MYT1L: variants seen among roughly 807,000 people sequenced by gnomAD.
The protein encoded by MYT1L is myelin transcription factor 1-like protein.
In MYT1L, 12 loss-of-function variants were observed where a neutral mutation model predicts 126.7. The observed-to-expected ratio is 0.09, with a 90% confidence interval of 0.06 to 0.15. The LOEUF is 0.15. Ranked by LOEUF, MYT1L falls within the 10% of genes least tolerant of loss-of-function variation. MYT1L has a pLI of 1.00. For synonymous variants in MYT1L, 541 were observed against 604.2 expected (o/e 0.90, Z 1.53); for missense variants, 979 against 1,585.2 (o/e 0.62, Z 6.49).
intron 22 of MYT1L, among the ~76,000 whole-genome samples, chr2:1,804,369 A>T (rs2147939184): frequency 6.6e-6 from 1 of 152,016 alleles, no homozygotes; most frequent in Non-Finnish European, 1.5e-5. Context: ...TGATCTGCCC[A>T]CCTCAGCCTC....
At chr2:2,084,574 C>T (rs371077775) in intron 3 of MYT1L, among the ~76,000 whole-genome samples, 8 of 152,266 alleles carry the variant, frequency 5.3e-5, no homozygotes, top group African/African-American at 1.9e-4. Flanking sequence ...CTCAGAGAAA[C>T]CGAGTCCTGG....
chr2:1,908,632 T>C (rs923511243), intron 13 of MYT1L, among the ~76,000 whole-genome samples: 1 of 152,244 alleles, frequency 6.6e-6, no homozygotes, highest in Non-Finnish European at 1.5e-5. Context: ...TAACGATTCC[T>C]TGCTGGATTA....
At chr2:2,097,298 T>G (rs2077552141) in intron 3 of MYT1L, among the ~76,000 whole-genome samples, 1 of 152,190 alleles carries the variant, frequency 6.6e-6, no homozygotes, top group African/African-American at 2.4e-5. Context: ...CCATCAGGAC[T>G]GCTGCAGCCC....
At chr2:2,178,665 C>T (rs2091092031) in intron 2 of MYT1L, among the ~76,000 whole-genome samples, 1 of 152,126 alleles carries the variant, frequency 6.6e-6, no homozygotes, top group Admixed American at 6.6e-5. Flanking sequence ...CCAAGGCAGA[C>T]CCAGCAAGAA....
intron 1 of MYT1L, among the ~76,000 whole-genome samples, chr2:2,304,903 A>G (rs186010431): frequency 2.0e-5 from 3 of 152,344 alleles, no homozygotes; most frequent in Non-Finnish European, 2.9e-5. Flanking sequence ...GCCACTAGCC[A>G]CATGGGCTCT....
intron 8 of MYT1L, among the ~76,000 whole-genome samples, chr2:1,976,940 G>A (rs946200375): frequency 2.0e-5 from 3 of 152,124 alleles, no homozygotes; most frequent in Non-Finnish European, 2.9e-5. Flanking sequence ...TAGACGTTAC[G>A]TAAGTTGTCC....
At chr2:2,153,862 ACAG>A (rs2086256310) in intron 3 of MYT1L, among the ~76,000 whole-genome samples, 1 of 152,064 alleles carries the variant, frequency 6.6e-6, no homozygotes. Context: ...GAGGGAGGGA[ACAG>A]CAGAACGAAC....
At chr2:2,314,577 T>A (rs1324242670) in intron 1 of MYT1L, among the ~76,000 whole-genome samples, 1 of 152,212 alleles carries the variant, frequency 6.6e-6, no homozygotes, top group African/African-American at 2.4e-5. Context: ...AATTTTAAGT[T>A]CTGGGATACA....
intron 5 of MYT1L, among the ~76,000 whole-genome samples, chr2:1,982,314 G>T (rs1399957900): frequency 6.6e-6 from 1 of 152,172 alleles, no homozygotes; most frequent in African/African-American, 2.4e-5. Context: ...CCCTGCCTTT[G>T]TCACAGGTCT....
At chr2:1,812,873 C>T (rs1187613960) in intron 21 of MYT1L, among the ~76,000 whole-genome samples, 4 of 103,114 alleles carry the variant, frequency 3.9e-5, no homozygotes, top group Admixed American at 9.9e-5. Context: ...AGGACTCCGT[C>T]TCAAAAAAAA....
intron 1 of MYT1L, among the ~76,000 whole-genome samples, chr2:2,312,371 G>A (rs2095986871): frequency 6.6e-6 from 1 of 152,124 alleles, no homozygotes; most frequent in South Asian, 2.1e-4. Context: ...AGCACTTTGA[G>A]AGGCCGAGAC....
At position 1,834,338 on chromosome 2, in the gene MYT1L, C is replaced by G. The variant is rs182255264; in HGVS notation, c.3080+4811G>C. Among the ~76,000 whole-genome samples, 794 of 152,336 alleles carry G rather than the reference C, an allele frequency of 5.2e-3. 3 individuals carry two copies. Among genetic ancestry groups the G allele is most frequent in the Non-Finnish European group, 7.6e-3 (516 of 68,040 alleles). On this transcript the variant is annotated intron_variant, in intron 21 of 24. Coordinates refer to ENST00000647738, the MANE Select transcript of MYT1L (RefSeq NM_001303052.2). ...AGGGCTTCCAAGGAAAGAGAAATGT[C>G]TAAGACTTCCTAATGAGTGTATTTC...
At chr2:1,977,449 A>C (rs1472786321) in intron 8 of MYT1L, among the ~76,000 whole-genome samples, 3 of 152,250 alleles carry the variant, frequency 2.0e-5, no homozygotes, top group Non-Finnish European at 2.9e-5. Flanking sequence ...TTTTCCTGCA[A>C]AACTATGGCT....
rs181214785 is a variant in MYT1L, at chr2:2,266,179, C to T, written c.-421+18225G>A. ...CATTTTATAGGTTAATAAGGTGACT[C>T]TCAAGGAAGCGAATAACTCCATGCA... On this transcript the variant is annotated intron_variant, in intron 2 of 24. Transcript: ENST00000647738. Among the ~76,000 whole-genome samples, 505 of 152,306 alleles carry T rather than the reference C, an allele frequency of 3.3e-3. 3 individuals carry two copies. Among genetic ancestry groups the T allele is most frequent in the Middle Eastern group, 6.8e-3 (2 of 294 alleles).
chr2:1,891,729 GC>G (rs2048906041), intron 15 of MYT1L, among the ~76,000 whole-genome samples: 1 of 152,188 alleles, frequency 6.6e-6, no homozygotes, highest in Non-Finnish European at 1.5e-5. Flanking sequence ...ACCACAGGAG[GC>G]CCACGTGGTG....
At chr2:1,860,348 G>A (rs1051836034) in intron 18 of MYT1L, among the ~76,000 whole-genome samples, 1 of 152,154 alleles carries the variant, frequency 6.6e-6, no homozygotes, top group Non-Finnish European at 1.5e-5. Context: ...TGCAGCTGAC[G>A]CAAGGCAACA....
intron 5 of MYT1L, among the ~76,000 whole-genome samples, chr2:1,994,381 C>T (rs895442977): frequency 2.0e-5 from 3 of 151,408 alleles, no homozygotes; most frequent in African/African-American, 4.9e-5. Context: ...GGCCCTGCTC[C>T]CTCCTCCCAG....
chr2:2,171,363 T>C (rs1210755189), intron 3 of MYT1L, among the ~76,000 whole-genome samples: 2 of 152,232 alleles, frequency 1.3e-5, no homozygotes. Context: ...TCAAACTACA[T>C]TGAGCATCCT....
intron 5 of MYT1L, among the ~76,000 whole-genome samples, chr2:1,991,349 T>C (rs188602404): frequency 6.4e-4 from 98 of 152,170 alleles, no homozygotes; most frequent in African/African-American, 2.3e-3. Flanking sequence ...TGGCTGGAGT[T>C]TCAGTGACAC....
Sources: allele counts gnomAD v4.1 joint callset (sites outside exome capture counted in the v4.1 genomes callset), GRCh38; gene constraint gnomAD v4.1.1; transcripts MANE v1.5; gene names NCBI Gene and HGNC (gene_info 2026-07-23, HGNC 2026-07-21).